The following RMI1 variants were observed in gnomAD, a reference collection of about 807,000 sequenced individuals.
RMI1 encodes RecQ mediated genome instability 1, also known as recQ-mediated genome instability protein 1.
RMI1 carries 36 observed loss-of-function variants against 46.7 expected under a neutral mutation model. The ratio of observed to expected loss-of-function variants is 0.77; its 90% CI spans 0.59 to 1.02. The LOEUF is 1.02. RMI1 is among the 50% of genes least tolerant of loss of function. The pLI, the probability that RMI1 is intolerant of heterozygous loss-of-function variation, is 0.00. For missense variants in RMI1, 676 were observed against 713.7 expected (o/e 0.95, Z 0.60); for synonymous variants, 250 against 252.9 (o/e 0.99, Z 0.11).
At position 84,002,560 on chromosome 9, in the gene RMI1, G is replaced by A. The variant is rs1208019788; in HGVS notation, c.1574G>A (p.Gly525Asp). ...TTAACTGGAAATCTCTCAAGTTCTGGTGGTATTTGGAGTATAACTGCAAAG... is the reference window on the plus strand; with the variant it reads ...TTAACTGGAAATCTCTCAAGTTCTGATGGTATTTGGAGTATAACTGCAAAG... ...VTLTGNLSSS[G>D]GIWSITAKVS... The change falls in exon 3 of 3, where the codon GGT becomes GAT. Residue 525 changes from glycine to aspartate, a missense_variant. By Grantham distance (94) the Gly-to-Asp change is moderately conservative (BLOSUM62 -1). Transcript: ENST00000445877. 1 of 1,613,948 alleles carries A rather than the reference G, an allele frequency of 6.2e-7. No homozygotes were observed.
chr9:83,987,363 T>C (rs996757887), intron 1 of RMI1, among the ~76,000 whole-genome samples: 3 of 152,202 alleles, frequency 2.0e-5, no homozygotes, highest in Non-Finnish European at 4.4e-5. Context: ...TGCCTTCTTA[T>C]TGTTTCTATT....
intron 2 of RMI1, among the ~76,000 whole-genome samples, chr9:84,000,162 T>C (rs896169622): frequency 6.6e-6 from 1 of 152,232 alleles, no homozygotes; most frequent in Non-Finnish European, 1.5e-5. Flanking sequence ...TTAGTGAACA[T>C]TGTTTCTTAA....
chr9:83,981,966 TCC>T (rs1419591961), intron 1 of RMI1, among the ~76,000 whole-genome samples: 1 of 152,210 alleles, frequency 6.6e-6, no homozygotes, highest in Admixed American at 6.5e-5. Flanking sequence ...GAACATAATG[TCC>T]GGGATTGTGG....
intron 2 of RMI1, 58 bp downstream of exon 2, chr9:83,999,855 C>T (rs2133128609): frequency 6.6e-6 from 1 of 152,298 alleles, no homozygotes; most frequent in African/African-American, 2.4e-5. Flanking sequence ...TAAATATCTT[C>T]ATCTGTAGAA....
In RMI1 at chr9:84,002,514, G is replaced by C; in HGVS notation, c.1528G>C (p.Val510Leu). 1 of 1,613,986 alleles carries C rather than the reference G, an allele frequency of 6.2e-7. No homozygotes were observed. The highest frequency in any genetic ancestry group is 8.5e-7 in the Non-Finnish European group (1 of 1,179,926). Residue 510 changes from valine to leucine, a missense_variant, in exon 3 of 3, where the codon GTG (valine) becomes CTG (leucine). Coordinates refer to ENST00000445877, the MANE Select transcript of RMI1 (RefSeq NM_001358291.2). ...SKPKEVTTVK[V>L]KAFIVTLTGN... ...ACCAAAGGAAGTTACAACAGTGAAA[G>C]TGAAAGCATTTATTGTAACCTTAAC...
chr9:83,997,281 T>G (rs1449342402), intron 1 of RMI1, among the ~76,000 whole-genome samples: 4 of 151,760 alleles, frequency 2.6e-5, no homozygotes, highest in Non-Finnish European at 2.9e-5. Context: ...CCAGCTAATT[T>G]TGTATTTTTA....
In RMI1 at chr9:84,001,116, A is replaced by T. The variant is rs776697992; in HGVS notation, c.130A>T (p.Ser44Cys). 6.2e-7 allele frequency: 1 copy of T among 1,614,126 alleles called. No individual in the cohort carries two copies. The highest frequency in any genetic ancestry group is 8.5e-7 in the Non-Finnish European group (1 of 1,179,980). The change falls in exon 3 of 3, where the codon AGT (serine) becomes TGT (cysteine). Residue 44 changes from serine (S) to cysteine (C), a missense_variant. By Grantham distance (112) the Ser-to-Cys change is moderately radical. Transcript: ENST00000445877. ...IQEENNNVNLSQAQMNKQVFE... is the reference protein window; with the variant it reads ...IQEENNNVNLCQAQMNKQVFE... ...AGAAGAAAATAATAATGTTAACTTG[A>T]GTCAGGCCCAAATGAATAAACAAGT...
At chr9:83,994,982 T>A (rs1957628559) in intron 1 of RMI1, among the ~76,000 whole-genome samples, 1 of 152,156 alleles carries the variant, frequency 6.6e-6, no homozygotes, top group Admixed American at 6.6e-5. Context: ...AATAATATCT[T>A]GGAAAAATTT....
intron 1 of RMI1, among the ~76,000 whole-genome samples, chr9:83,994,253 T>C (rs1957617737): frequency 6.6e-6 from 1 of 152,236 alleles, no homozygotes; most frequent in South Asian, 2.1e-4. Context: ...AAATTGTCTT[T>C]TTACTCTGTT....
At position 83,990,243 on chromosome 9, in the gene RMI1, G is replaced by A. The variant is rs750262591; in HGVS notation, c.-126+9352G>A. Among the ~76,000 whole-genome samples, 18 of 152,308 alleles carry A rather than the reference G, an allele frequency of 1.2e-4. No homozygotes were observed. The South Asian group carries it at 2.7e-3, about 23-fold the overall frequency. On this transcript the variant is annotated intron_variant, in intron 1 of 2. Coordinates refer to ENST00000445877, the MANE Select transcript of RMI1 (RefSeq NM_001358291.2). ...GTAAAAATACAGTTAGAGGCCGGGCGCAGTGGCTCATGCCTGTAATCCCAG... is the reference window on the plus strand; with the variant it reads ...GTAAAAATACAGTTAGAGGCCGGGCACAGTGGCTCATGCCTGTAATCCCAG...
At chr9:83,986,447 A>G (rs1241589912) in intron 1 of RMI1, among the ~76,000 whole-genome samples, 2 of 152,212 alleles carry the variant, frequency 1.3e-5, no homozygotes, top group Non-Finnish European at 2.9e-5. Flanking sequence ...TTTCCACTTA[A>G]GTTGACAGAA....
At chr9:83,984,121 A>G (rs895721870) in intron 1 of RMI1, among the ~76,000 whole-genome samples, 11 of 152,078 alleles carry the variant, frequency 7.2e-5, no homozygotes, top group Non-Finnish European at 1.3e-4. Context: ...GGTATATGTG[A>G]TAATTTAATA....
chr9:83,992,186 G>C (rs1011840146), intron 1 of RMI1, among the ~76,000 whole-genome samples: 1 of 152,150 alleles, frequency 6.6e-6, no homozygotes, highest in African/African-American at 2.4e-5. Flanking sequence ...TTTCAGCATA[G>C]TGTTTGCCTT....
intron 1 of RMI1, among the ~76,000 whole-genome samples, chr9:83,994,517 A>G (rs1321980472): frequency 1.3e-5 from 2 of 152,142 alleles, no homozygotes; most frequent in South Asian, 2.1e-4. Flanking sequence ...TTACATGGGC[A>G]TGTCCAGTTT....
Position 83,983,032 on chromosome 9 carries a change from A to G in RMI1, c.-126+2141A>G, listed in dbSNP as rs541889875. ...TTTGGACTCAGTGAATTTAGACCCA[A>G]TATTACTTAGATGGGGGATTTACTT... On this transcript the variant is annotated intron_variant, in intron 1 of 2. Transcript: ENST00000445877. 1.2e-4 allele frequency among the ~76,000 whole-genome samples: 18 copies of G among 152,316 alleles called. No individual in the cohort carries two copies. The South Asian group carries it at 2.1e-3, about 18-fold the overall frequency.
intron 1 of RMI1, among the ~76,000 whole-genome samples, chr9:83,985,631 T>C (rs1243864977): frequency 6.6e-6 from 1 of 152,226 alleles, no homozygotes; most frequent in Non-Finnish European, 1.5e-5. Context: ...ATGGAACAGT[T>C]TAGTTGTTGG....
chr9:83,998,146 T>G (rs1957685707), intron 1 of RMI1, among the ~76,000 whole-genome samples: 1 of 152,164 alleles, frequency 6.6e-6, no homozygotes, highest in South Asian at 2.1e-4. Flanking sequence ...GCGTGGAGAT[T>G]TGGTTTCTTT....
At chr9:83,998,915 C>T (rs1415784553) in intron 1 of RMI1, among the ~76,000 whole-genome samples, 4 of 152,058 alleles carry the variant, frequency 2.6e-5, no homozygotes, top group Non-Finnish European at 5.9e-5. Flanking sequence ...CTGAGGTGGG[C>T]AGATCACTTG....
At position 84,002,533 on chromosome 9, in the gene RMI1, C is replaced by A. The variant is rs995353890; in HGVS notation, c.1547C>A (p.Thr516Asn). The change falls in exon 3 of 3, where the codon ACC (threonine) becomes AAC (asparagine). Residue 516 changes from threonine to asparagine, a missense_variant. Coordinates refer to ENST00000445877, the MANE Select transcript of RMI1 (RefSeq NM_001358291.2). ...TTVKVKAFIV[T>N]LTGNLSSSGG... ...GTGAAAGTGAAAGCATTTATTGTAA[C>A]CTTAACTGGAAATCTCTCAAGTTCT... 1 of 1,613,930 alleles carries A rather than the reference C, an allele frequency of 6.2e-7. No individual in the cohort carries two copies. Among genetic ancestry groups the A allele is most frequent in the Non-Finnish European group, 8.5e-7 (1 of 1,179,928 alleles).
Sources: allele counts gnomAD v4.1 joint callset (sites outside exome capture counted in the v4.1 genomes callset), GRCh38; gene constraint gnomAD v4.1.1; transcripts MANE v1.5; gene names NCBI Gene and HGNC (gene_info 2026-07-23, HGNC 2026-07-21).